TXNRD1: variants seen among roughly 807,000 people sequenced by gnomAD.
TXNRD1 encodes thioredoxin reductase 1, also known as thioredoxin reductase 1, cytoplasmic.
Under a neutral mutation model 80.3 loss-of-function variants are expected in TXNRD1, and 57 were observed. That is an observed-to-expected ratio of 0.71 (90% CI 0.57 to 0.89). The LOEUF (loss-of-function observed/expected upper bound fraction) is 0.89. Ranked by LOEUF, TXNRD1 falls within the 40% of genes least tolerant of loss-of-function variation. The pLI, the probability that TXNRD1 is intolerant of heterozygous loss-of-function variation, is 0.00. For missense variants in TXNRD1, 730 were observed against 803.0 expected (o/e 0.91, Z 1.10); for synonymous variants, 291 against 285.2 (o/e 1.02, Z -0.20).
At chr12:104,295,545 C>T (rs1276599506) in intron 4 of TXNRD1, among the ~76,000 whole-genome samples, 1 of 152,194 alleles carries the variant, frequency 6.6e-6, no homozygotes, top group African/African-American at 2.4e-5. Flanking sequence ...TTCTGGTTAT[C>T]TCCTGCTCTG....
intron 3 of TXNRD1, chr12:104,262,192 A>T (rs1661071726): frequency 7.0e-6 from 1 of 143,358 alleles, no homozygotes; most frequent in South Asian, 2.2e-4. Flanking sequence ...AGATTGTGCC[A>T]TTGCACTTCA....
chr12:104,247,363 T>G (rs1439073374), intron 1 of TXNRD1, among the ~76,000 whole-genome samples: 2 of 152,202 alleles, frequency 1.3e-5, no homozygotes, highest in Non-Finnish European at 2.9e-5. Flanking sequence ...CCACCACGCC[T>G]GGCCCATTAC....
chr12:104,312,193 A>G lies in TXNRD1; in HGVS notation c.537+781A>G, dbSNP rs546064587. ...GGGAGCAATTGGGTTTCTTAAACCC[A>G]TTTATTAAAAATGATTTGCTTTTTG... On this transcript the variant is annotated intron_variant, in intron 5 of 16. Transcript: ENST00000525566. Among the ~76,000 whole-genome samples the G allele has an allele frequency of 3.9e-5, 6 of 152,276 alleles. No individual in the cohort carries two copies. The South Asian group carries it at 6.2e-4, about 16-fold the overall frequency.
chr12:104,287,207 G>A, intron 3 of TXNRD1: 1 of 1,600,204 alleles, frequency 6.2e-7, no homozygotes, highest in Middle Eastern at 2.1e-4. Flanking sequence ...CATTGCGCCT[G>A]GGTGCAGCAG....
intron 16 of TXNRD1, among the ~76,000 whole-genome samples, chr12:104,345,648 G>GAGTAGTAATTTCAACTAATC (rs11269572): frequency 0.91 from 137,696 of 151,950 alleles, 62,655 homozygotes; most frequent in African/African-American, 0.98. Flanking sequence ...ACATAGTTAT[G>GAGTAGTAATTTCAACTAATC]AAGTTCACTT....
chr12:104,288,227 G>A (rs970712544), intron 3 of TXNRD1, among the ~76,000 whole-genome samples: 3 of 152,178 alleles, frequency 2.0e-5, no homozygotes, highest in African/African-American at 7.2e-5. Flanking sequence ...CTGACCTCAT[G>A]ATCCACCCGC....
chr12:104,251,717 G>C, intron 2 of TXNRD1, 39 bp downstream of exon 2: 3 of 1,597,178 alleles, frequency 1.9e-6, no homozygotes, highest in Non-Finnish European at 2.6e-6. Flanking sequence ...TGGAATTGAA[G>C]GAATTTGACA....
intron 15 of TXNRD1, among the ~76,000 whole-genome samples, chr12:104,335,117 C>T (rs2036088890): frequency 6.6e-6 from 1 of 151,742 alleles, no homozygotes; most frequent in African/African-American, 2.4e-5. Flanking sequence ...TTTTAGTAGT[C>T]CTCCCACAGA....
chr12:104,313,125 A>G, intron 5 of TXNRD1, 120 bp from the exon 6 acceptor site: 3 of 667,030 alleles, frequency 4.5e-6, no homozygotes, highest in South Asian at 1.9e-5. Context: ...GTACCCAGGT[A>G]TTAATTATTC....
chr12:104,346,454 A>G (rs1226380299), intron 16 of TXNRD1, among the ~76,000 whole-genome samples: 1 of 152,166 alleles, frequency 6.6e-6, no homozygotes, highest in South Asian at 2.1e-4. Context: ...TACAAGTTCT[A>G]TTTCTAAATC....
At chr12:104,328,156 C>T (rs2035829328) in intron 13 of TXNRD1, among the ~76,000 whole-genome samples, 1 of 146,354 alleles carries the variant, frequency 6.8e-6, no homozygotes, top group Non-Finnish European at 1.5e-5. Context: ...CAGAGCGAGA[C>T]TCCATCTAAA....
intron 1 of TXNRD1, among the ~76,000 whole-genome samples, chr12:104,240,230 A>G (rs2032829598): frequency 6.6e-6 from 1 of 152,206 alleles, no homozygotes; most frequent in Non-Finnish European, 1.5e-5. Context: ...GAAACAGAAA[A>G]TGTTACTGAA....
At chr12:104,287,254 G>C in intron 3 of TXNRD1, 1 of 1,613,892 alleles carries the variant, frequency 6.2e-7, no homozygotes, top group South Asian at 1.1e-5. Flanking sequence ...TTTAAGGCGT[G>C]TCTGAGCAGA....
chr12:104,260,590 C>T (rs568948944), intron 3 of TXNRD1, among the ~76,000 whole-genome samples: 2 of 152,166 alleles, frequency 1.3e-5, no homozygotes, highest in Non-Finnish European at 2.9e-5. Context: ...GTGTTATTTC[C>T]ATAATACCAT....
At chr12:104,325,903 C>T (rs1217575977) in intron 11 of TXNRD1, among the ~76,000 whole-genome samples, 7 of 150,794 alleles carry the variant, frequency 4.6e-5, no homozygotes, top group South Asian at 4.2e-4. Flanking sequence ...TTTTGGTAAA[C>T]GGATGGCTTC....
chr12:104,273,444 T>G (rs1295640154), intron 3 of TXNRD1, among the ~76,000 whole-genome samples: 1 of 151,866 alleles, frequency 6.6e-6, no homozygotes, highest in African/African-American at 2.4e-5. Context: ...AATACAAAAA[T>G]TAGCCAGGCA....
chr12:104,255,183 C>T (rs41453549), intron 2 of TXNRD1, among the ~76,000 whole-genome samples: 5,382 of 152,074 alleles, frequency 0.035, 260 homozygotes, highest in African/African-American at 0.11. Context: ...TGCTGTAGTT[C>T]TGGAATGAAA....
At chr12:104,298,663 G>A (rs2034511512) in intron 4 of TXNRD1, among the ~76,000 whole-genome samples, 1 of 152,142 alleles carries the variant, frequency 6.6e-6, no homozygotes, top group Non-Finnish European at 1.5e-5. Context: ...GGCGGAGGTT[G>A]TAGTGAGCTG....
chr12:104,295,174 T>C (rs973992368), intron 4 of TXNRD1, among the ~76,000 whole-genome samples: 3 of 151,544 alleles, frequency 2.0e-5, no homozygotes, highest in Non-Finnish European at 4.4e-5. Context: ...TAGAGTCGTG[T>C]TGAGCTCCTC....
Sources: allele counts gnomAD v4.1 joint callset (sites outside exome capture counted in the v4.1 genomes callset), GRCh38; gene constraint gnomAD v4.1.1; transcripts MANE v1.5; gene names NCBI Gene and HGNC (gene_info 2026-07-23, HGNC 2026-07-21).